The following EYS variants were observed in gnomAD, a reference collection of about 807,000 sequenced individuals.
EYS encodes the protein protein eyes shut homolog.
In EYS, 250 loss-of-function variants were observed where a neutral mutation model predicts 282.1. That is an observed-to-expected ratio of 0.89 (90% CI 0.80 to 0.98). The LOEUF is 0.98. Ranked by LOEUF, EYS falls within the 50% of genes least tolerant of loss-of-function variation. The pLI is 0.00. For synonymous variants in EYS, 1,355 were observed against 1,282.9 expected, an observed-to-expected ratio of 1.06 and a Z score of -1.20; for missense variants, 4,016 against 3,709.0, an observed-to-expected ratio of 1.08 and a Z score of -2.15.
intron 22 of EYS, among the ~76,000 whole-genome samples, chr6:64,668,816 C>T (rs1420819742): frequency 1.3e-5 from 2 of 151,992 alleles, no homozygotes; most frequent in Non-Finnish European, 2.9e-5. Context: ...ATCCACCCGC[C>T]TCAGCCTCCC....
intron 11 of EYS, among the ~76,000 whole-genome samples, chr6:65,317,443 G>A (rs1226100685): frequency 6.6e-6 from 1 of 151,988 alleles, no homozygotes; most frequent in Non-Finnish European, 1.5e-5. Flanking sequence ...TTGTAGTTTT[G>A]GTATGATTTT....
chr6:64,011,406 GA>G (rs913781913), intron 33 of EYS, among the ~76,000 whole-genome samples: 4 of 151,834 alleles, frequency 2.6e-5, no homozygotes, highest in Non-Finnish European at 4.4e-5. Context: ...GAGGTAGGAT[GA>G]AAAAAAAGTT....
chr6:65,147,276 A>T (rs1216575305), intron 12 of EYS, among the ~76,000 whole-genome samples: 1 of 152,058 alleles, frequency 6.6e-6, no homozygotes, highest in Non-Finnish European at 1.5e-5. Context: ...TGAGGGATAC[A>T]TGATTAAATA....
At chr6:65,016,593 T>C (rs532073955) in intron 13 of EYS, among the ~76,000 whole-genome samples, 3 of 152,332 alleles carry the variant, frequency 2.0e-5, no homozygotes, top group Admixed American at 6.5e-5. Flanking sequence ...GTAGGATATG[T>C]AAATTACAGA....
chr6:64,466,363 T>C (rs1166000441), intron 26 of EYS, among the ~76,000 whole-genome samples: 6 of 152,100 alleles, frequency 3.9e-5, no homozygotes, highest in Admixed American at 2.6e-4. Context: ...TATCCATCAA[T>C]GGATGAATGG....
At chr6:65,524,955 C>T (rs965192313) in intron 2 of EYS, among the ~76,000 whole-genome samples, 11 of 152,054 alleles carry the variant, frequency 7.2e-5, no homozygotes, top group Non-Finnish European at 1.2e-4. Flanking sequence ...GAGCACTGAG[C>T]GATGGCTTTA....
intron 5 of EYS, among the ~76,000 whole-genome samples, chr6:65,487,003 G>A (rs1469605494): frequency 6.9e-6 from 1 of 145,636 alleles, no homozygotes; most frequent in African/African-American, 2.4e-5. Context: ...AGGAATGCTT[G>A]TGATTTTTCA....
At chr6:64,794,152 A>C (rs13193208) in intron 22 of EYS, among the ~76,000 whole-genome samples, 1 of 152,176 alleles carries the variant, frequency 6.6e-6, no homozygotes, top group African/African-American at 2.4e-5. Flanking sequence ...AAGTTCATCC[A>C]TCTTGTAACA....
At chr6:64,331,353 A>G (rs1770639149) in intron 29 of EYS, among the ~76,000 whole-genome samples, 1 of 152,192 alleles carries the variant, frequency 6.6e-6, no homozygotes, top group Non-Finnish European at 1.5e-5. Context: ...TGCAAAGGGC[A>G]TCAAACAGGA....
In EYS at chr6:64,821,690, T is replaced by A; in HGVS notation, c.3198A>T (p.Ser1066=). 1 of 1,526,362 alleles carries A rather than the reference T, an allele frequency of 6.6e-7. No homozygotes were observed. The highest frequency in any genetic ancestry group is 8.9e-7 in the Non-Finnish European group (1 of 1,128,476). 94.6% of individuals were successfully genotyped at this position (1,526,362 alleles called of 1,614,324 possible). The change falls in exon 21 of 43, where the codon TCA becomes TCT. Residue 1066 remains serine, a synonymous_variant. Coordinates refer to ENST00000503581, the MANE Select transcript of EYS (RefSeq NM_001142800.2). Reference sequence around the variant, plus strand: ...GTGTGCTAGTCCCATCTGCATCACATGAACATGGATATTCATTAATAAGTT... The same window carrying A: ...GTGTGCTAGTCCCATCTGCATCACAAGAACATGGATATTCATTAATAAGTT... ...CTELINEYPC[S]CDADGTSTQC... is the part of the protein sequence containing the mutation.
chr6:64,323,320 T>C (rs887263662), intron 29 of EYS, among the ~76,000 whole-genome samples: 1 of 152,182 alleles, frequency 6.6e-6, no homozygotes, highest in Non-Finnish European at 1.5e-5. Flanking sequence ...ATAATTTTCT[T>C]AACATTTCTC....
At chr6:65,297,569 T>C (rs959529195) in intron 11 of EYS, among the ~76,000 whole-genome samples, 1 of 151,972 alleles carries the variant, frequency 6.6e-6, no homozygotes, top group African/African-American at 2.4e-5. Context: ...AAACTTTGGT[T>C]TTAATTCTTT....
chr6:64,628,425 T>A (rs1214067428), intron 22 of EYS, among the ~76,000 whole-genome samples: 1 of 152,168 alleles, frequency 6.6e-6, no homozygotes, highest in Non-Finnish European at 1.5e-5. Flanking sequence ...TTTTATTTAT[T>A]TTTGAGACAG....
intron 24 of EYS, among the ~76,000 whole-genome samples, chr6:64,608,242 C>A (rs1766995930): frequency 6.6e-6 from 1 of 151,998 alleles, no homozygotes; most frequent in South Asian, 2.1e-4. Context: ...TATGTTGTAT[C>A]TGCCTGGAGA....
chr6:64,424,970 A>T (rs1250054117), intron 28 of EYS, among the ~76,000 whole-genome samples: 1 of 152,222 alleles, frequency 6.6e-6, no homozygotes, highest in Non-Finnish European at 1.5e-5. Flanking sequence ...GGAAGAGGCC[A>T]CACGGAACCA....
At chr6:64,920,020 C>G (rs545499173) in intron 15 of EYS, among the ~76,000 whole-genome samples, 58 of 151,846 alleles carry the variant, frequency 3.8e-4, no homozygotes, top group African/African-American at 1.4e-3. Context: ...GGGACTAGAA[C>G]AGCAAAGCCA....
chr6:64,934,288 T>G (rs1768829079), intron 15 of EYS, among the ~76,000 whole-genome samples: 1 of 150,100 alleles, frequency 6.7e-6, no homozygotes, highest in Non-Finnish European at 1.5e-5. Flanking sequence ...AATAAATGAG[T>G]AGATCCTCAG....
chr6:65,125,019 T>C (rs1775677061), intron 12 of EYS, among the ~76,000 whole-genome samples: 1 of 152,206 alleles, frequency 6.6e-6, no homozygotes, highest in Non-Finnish European at 1.5e-5. Context: ...CCTTCTTCAC[T>C]GCTAGTAGCA....
intron 2 of EYS, among the ~76,000 whole-genome samples, chr6:65,618,962 A>G (rs1325855077): frequency 6.6e-6 from 1 of 152,142 alleles, no homozygotes; most frequent in Non-Finnish European, 1.5e-5. Context: ...GTAGTCTTGT[A>G]GTATAGTTTG....
Sources: allele counts gnomAD v4.1 joint callset (sites outside exome capture counted in the v4.1 genomes callset), GRCh38; gene constraint gnomAD v4.1.1; transcripts MANE v1.5; gene names NCBI Gene and HGNC (gene_info 2026-07-23, HGNC 2026-07-21).